PEAK1: variants seen among roughly 807,000 people sequenced by gnomAD.
The protein encoded by PEAK1 is inactive tyrosine-protein kinase PEAK1.
A neutral mutation model predicts 124.7 loss-of-function variants in PEAK1; 54 were observed. The ratio of observed to expected loss-of-function variants is 0.43; its 90% CI spans 0.35 to 0.54. The LOEUF is 0.54. Among genes scored for constraint, PEAK1 ranks in the 20% least tolerant of loss-of-function variants. The pLI is 0.01. For missense variants in PEAK1, 2,046 were observed against 2,134.5 expected (o/e 0.96, Z 0.82); for synonymous variants, 719 against 760.0 (o/e 0.95, Z 0.89).
intron 6 of PEAK1, among the ~76,000 whole-genome samples, chr15:77,241,525 A>G (rs2060355920): frequency 6.6e-6 from 1 of 152,144 alleles, no homozygotes; most frequent in African/African-American, 2.4e-5. Flanking sequence ...GAAAGGAAAA[A>G]ATAAAACTGT....
intron 6 of PEAK1, among the ~76,000 whole-genome samples, chr15:77,250,397 C>A (rs934482318): frequency 2.7e-5 from 4 of 150,912 alleles, no homozygotes; most frequent in African/African-American, 9.8e-5. Flanking sequence ...CAGGCATGCG[C>A]CACCACACCC....
At chr15:77,302,137 C>T (rs2063820105) in intron 2 of PEAK1, among the ~76,000 whole-genome samples, 1 of 152,122 alleles carries the variant, frequency 6.6e-6, no homozygotes, top group Non-Finnish European at 1.5e-5. Context: ...GAATCAGCCA[C>T]TTCTCCAAGG....
chr15:77,342,443 G>A (rs1458888287), intron 2 of PEAK1, among the ~76,000 whole-genome samples: 1 of 122,398 alleles, frequency 8.2e-6, no homozygotes. Context: ...TTCTTGCTCT[G>A]TCACCTAGGC....
Position 77,114,733 on chromosome 15 carries a change from T to C in PEAK1, c.4664A>G (p.Asn1555Ser), listed in dbSNP as rs1364194510. The change falls in exon 10 of 10, where the codon AAC (asparagine) becomes AGC (serine). Residue 1555 changes from asparagine (N) to serine (S), a missense_variant. Physicochemically the swap from Asn to Ser is conservative, Grantham distance 46. Coordinates refer to ENST00000682557, the MANE Select transcript of PEAK1 (RefSeq NM_001385026.1). The part of the protein sequence containing the change: ...SSYPTRLIVS[N>S]FSQAKQKSHL... ...GCTCTTCTGCTTGGCCTGAGAGAAGTTGCTCACTATAAGCCTAGTGGGATA... is the reference window on the plus strand; with the variant it reads ...GCTCTTCTGCTTGGCCTGAGAGAAGCTGCTCACTATAAGCCTAGTGGGATA... 1.2e-5 allele frequency: 20 copies of C among 1,612,934 alleles called. No homozygotes were observed. The highest frequency in any genetic ancestry group is 1.4e-5 in the Non-Finnish European group (16 of 1,179,834).
chr15:77,382,865 C>T (rs538079148), intron 1 of PEAK1, among the ~76,000 whole-genome samples: 2 of 152,002 alleles, frequency 1.3e-5, no homozygotes, highest in East Asian at 3.9e-4. Context: ...TCAATCTGAC[C>T]CCAAAAATGA....
chr15:77,129,765 G>A (rs2052700225), intron 9 of PEAK1, among the ~76,000 whole-genome samples: 1 of 152,054 alleles, frequency 6.6e-6, no homozygotes. Context: ...CTTTTTGTTT[G>A]CAACATTTTA....
intron 6 of PEAK1, among the ~76,000 whole-genome samples, chr15:77,207,160 C>G (rs1319293703): frequency 6.6e-6 from 1 of 152,142 alleles, no homozygotes; most frequent in Admixed American, 6.5e-5. Flanking sequence ...ACCATAAAAA[C>G]CCTAGAAGAA....
At chr15:77,280,014 C>T (rs919749891) in intron 5 of PEAK1, among the ~76,000 whole-genome samples, 5 of 151,990 alleles carry the variant, frequency 3.3e-5, no homozygotes, top group African/African-American at 4.8e-5. Flanking sequence ...TGTATGGATC[C>T]GAACATGTGT....
chr15:77,278,385 AAAG>A (rs983787913), intron 5 of PEAK1: 30 of 308,888 alleles, frequency 9.7e-5, no homozygotes, highest in African/African-American at 5.9e-4. Context: ...GGAGCAGTGT[AAAG>A]AAGAAGCAGG....
At chr15:77,291,006 C>G (rs2063183977) in intron 2 of PEAK1, among the ~76,000 whole-genome samples, 1 of 152,138 alleles carries the variant, frequency 6.6e-6, no homozygotes, top group African/African-American at 2.4e-5. Flanking sequence ...GGCATATTTT[C>G]TATACCAAGG....
chr15:77,335,298 T>G, intron 2 of PEAK1: 1 of 985,404 alleles, frequency 1.0e-6, no homozygotes, highest in Non-Finnish European at 1.2e-6. Flanking sequence ...TTATTCTGGG[T>G]TTTCTGGCAT....
At chr15:77,215,054 C>T (rs1457365082) in intron 6 of PEAK1, among the ~76,000 whole-genome samples, 3 of 152,158 alleles carry the variant, frequency 2.0e-5, no homozygotes, top group African/African-American at 4.8e-5. Flanking sequence ...ACCATTTTTG[C>T]ATTCCCACTT....
intron 2 of PEAK1, chr15:77,345,892 A>T (rs556101820): frequency 6.7e-5 from 66 of 980,214 alleles, no homozygotes; most frequent in South Asian, 5.7e-4. Context: ...TAAGTAATTT[A>T]AAAAAATCAA....
At chr15:77,173,951 A>G (rs1449393169) in intron 7 of PEAK1, among the ~76,000 whole-genome samples, 1 of 152,218 alleles carries the variant, frequency 6.6e-6, no homozygotes, top group East Asian at 1.9e-4. Context: ...TAAGCAGTCA[A>G]TGTCTGCCAG....
At chr15:77,343,528 T>C (rs2066677674) in intron 2 of PEAK1, among the ~76,000 whole-genome samples, 1 of 146,150 alleles carries the variant, frequency 6.8e-6, no homozygotes, top group African/African-American at 2.5e-5. Context: ...GCTCCGTTGC[T>C]TAGGTTGGAG....
At chr15:77,115,938 G>A (rs1035588674) in intron 9 of PEAK1, among the ~76,000 whole-genome samples, 2 of 152,314 alleles carry the variant, frequency 1.3e-5, no homozygotes, top group Middle Eastern at 3.4e-3. Context: ...GGTTGAGAGA[G>A]TCACTGGTCT....
chr15:77,311,912 G>C (rs1312162474), intron 2 of PEAK1, among the ~76,000 whole-genome samples: 1 of 151,968 alleles, frequency 6.6e-6, no homozygotes, highest in Non-Finnish European at 1.5e-5. Flanking sequence ...TTTTACTGAA[G>C]AGAAAAACAA....
chr15:77,410,976 G>A (rs753450635), intron 1 of PEAK1, among the ~76,000 whole-genome samples: 1 of 152,060 alleles, frequency 6.6e-6, no homozygotes, highest in East Asian at 1.9e-4. Context: ...GGCAATGAAA[G>A]CCTACCTATT....
chr15:77,350,636 G>C, intron 2 of PEAK1: 1 of 981,838 alleles, frequency 1.0e-6, no homozygotes, highest in Non-Finnish European at 1.2e-6. Context: ...ACAAGGCCCA[G>C]CTTGTGACAT....
Sources: allele counts gnomAD v4.1 joint callset (sites outside exome capture counted in the v4.1 genomes callset), GRCh38; gene constraint gnomAD v4.1.1; transcripts MANE v1.5; gene names NCBI Gene and HGNC (gene_info 2026-07-23, HGNC 2026-07-21).